Variants in TRIM26 observed in about 807,000 individuals in gnomAD.
The protein encoded by TRIM26 is tripartite motif-containing protein 26.
In TRIM26, 16 loss-of-function variants were observed where a neutral mutation model predicts 45.5. The observed-to-expected ratio is 0.35, with a 90% CI of 0.24 to 0.53. The LOEUF is 0.53. Among genes scored for constraint, TRIM26 ranks in the 20% least tolerant of loss-of-function variants. The pLI, the probability that TRIM26 is intolerant of heterozygous loss-of-function variation, is 0.92. For missense variants in TRIM26, 442 were observed against 691.1 expected, an observed-to-expected ratio of 0.64 and a Z score of 4.04; for synonymous variants, 273 against 290.4, an observed-to-expected ratio of 0.94 and a Z score of 0.61.
In TRIM26 at chr6:30,185,894, G is replaced by C. The variant is rs1283707575; in HGVS notation, c.1602C>G (p.Arg534=). 6.2e-7 allele frequency: 1 copy of C among 1,612,592 alleles called. No homozygotes were observed. Among genetic ancestry groups the C allele is most frequent in the Non-Finnish European group, 8.5e-7 (1 of 1,179,752 alleles). The change falls in exon 10 of 10, where the codon CGC becomes CGG. Residue 534 remains arginine, a synonymous_variant. Transcript: ENST00000454678. The surrounding 1 kb of genome is among the most constrained non-coding windows in gnomAD (Gnocchi z 5.7). The part of the protein sequence containing the change: ...PFLWLKWPGT[R]LLLRP The stretch of plus-strand genomic sequence containing the variant: ...TCAGGGCTCAGGGTCTTAGCAGGAG[G>C]CGTGTTCCTGGCCACTTGAGCCACA...
rs901649277 is a variant in TRIM26 at position 30,189,988 on chromosome 6, C to T, written c.788+25G>A. On this transcript the variant is annotated intron_variant, in intron 7 of 9. Coordinates refer to ENST00000454678, the MANE Select transcript of TRIM26 (RefSeq NM_003449.5). This position sits in a 1 kb window ranked among gnomAD's most constrained non-coding sequence, Gnocchi z 5.0. ...GAACATAAACAAGGGGGATGAGGTA[C>T]GCCATGGAGAGGAGACTCTTTTACC... is the stretch of plus-strand genomic sequence containing the variant. The T allele has an allele frequency of 1.2e-5, 19 of 1,612,720 alleles. No individual in the cohort carries two copies. Among genetic ancestry groups the T allele is most frequent in the African/African-American group, 2.7e-5 (2 of 74,900 alleles).
intron 9 of TRIM26, chr6:30,188,548 G>A (rs1775462104): frequency 4.1e-6 from 1 of 245,070 alleles, no homozygotes; most frequent in Non-Finnish European, 8.4e-6. Context: ...TGCTAACTCA[G>A]TTCTGCTATG....
In TRIM26 at chr6:30,196,814, T is replaced by C. The variant is rs1308331501; in HGVS notation, c.535-68A>G. On this transcript the variant is annotated intron_variant, in intron 5 of 9. Coordinates refer to ENST00000454678, the MANE Select transcript of TRIM26 (RefSeq NM_003449.5). The surrounding 1 kb of genome is among the most constrained non-coding windows in gnomAD (Gnocchi z 4.9). Reference sequence around the variant, plus strand: ...AGGGTGGAGGGCCCAGTGCTGGAGGTGTGCAAGGCTGGCTCGTTCACCTCG... The same window carrying C: ...AGGGTGGAGGGCCCAGTGCTGGAGGCGTGCAAGGCTGGCTCGTTCACCTCG... 2 of 1,528,102 alleles carry C rather than the reference T, an allele frequency of 1.3e-6. No homozygotes were observed. Among genetic ancestry groups the C allele is most frequent in the Non-Finnish European group, 1.8e-6 (2 of 1,110,640 alleles). The allele number at this position is 1,528,102 out of a possible 1,614,324, so 94.7% of individuals were successfully genotyped here. A position where few individuals can be genotyped will look rare whatever the true frequency, so the allele number is the denominator to read the frequency against.
At chr6:30,199,784 C>A (rs1277290793) in intron 3 of TRIM26, among the ~76,000 whole-genome samples, 2 of 151,992 alleles carry the variant, frequency 1.3e-5, no homozygotes, top group Non-Finnish European at 2.9e-5. Context: ...CTACAGGCAC[C>A]CACCACCACA....
At position 30,198,756 on chromosome 6, in the gene TRIM26, G is replaced by A. The variant is rs770233582; in HGVS notation, c.348C>T (p.Asp116=). 48 of 1,604,074 alleles carry A rather than the reference G, an allele frequency of 3.0e-5. No individual in the cohort carries two copies. Among genetic ancestry groups the A allele is most frequent in the Middle Eastern group, 1.6e-4 (1 of 6,084 alleles). Residue 116 remains aspartate (D), a synonymous_variant, in exon 4 of 10, where the codon GAC becomes GAT. Coordinates refer to ENST00000454678, the MANE Select transcript of TRIM26 (RefSeq NM_003449.5). The surrounding 1 kb of genome is among the most constrained non-coding windows in gnomAD (Gnocchi z 6.3). ...GGCACATCACGCACAGCAGCTTCCC[G>A]TCGTCCTCACAGTAGTAGTGCAGCT... ...REKLHYYCED[D]GKLLCVMCRE...
In TRIM26 at chr6:30,208,904, A is replaced by G. The variant is rs113962479; in HGVS notation, c.-375-4139T>C. Among the ~76,000 whole-genome samples the G allele has an allele frequency of 5.1e-3, 721 of 140,832 alleles. 3 individuals carry two copies. Among genetic ancestry groups the G allele is most frequent in the African/African-American group, 0.013 (500 of 38,006 alleles). 92.4% of individuals were successfully genotyped at this position (140,832 alleles called of 152,430 possible). ...CACTCTGGAGGATGGGATATAGAAT[A>G]TGTGTGTGTGTGTGTGTGTGTGTGT... is the stretch of plus-strand genomic sequence containing the variant. On this transcript the variant is annotated intron_variant, in intron 1 of 9. Coordinates refer to ENST00000454678, the MANE Select transcript of TRIM26 (RefSeq NM_003449.5).
intron 6 of TRIM26, among the ~76,000 whole-genome samples, chr6:30,194,983 A>G (rs1776311386): frequency 6.6e-6 from 1 of 152,208 alleles, no homozygotes; most frequent in Non-Finnish European, 1.5e-5. Flanking sequence ...AAACAAAAAA[A>G]GAAACCTACC....
intron 9 of TRIM26, among the ~76,000 whole-genome samples, chr6:30,188,903 G>C (rs1409283353): frequency 1.3e-5 from 2 of 152,116 alleles, no homozygotes; most frequent in South Asian, 2.1e-4. Context: ...GAAAAGGACT[G>C]GTGGTAGGAC....
At chr6:30,199,677 C>T (rs1294634621) in intron 3 of TRIM26, among the ~76,000 whole-genome samples, 1 of 150,516 alleles carries the variant, frequency 6.6e-6, no homozygotes, top group African/African-American at 2.4e-5. Flanking sequence ...TACTCTGTCG[C>T]CCAGGCTGGA....
Position 30,189,435 on chromosome 6 carries a change from C to T in TRIM26, c.887G>A (p.Gly296Asp), listed in dbSNP as rs1214684212. 3 of 1,612,900 alleles carry T rather than the reference C, an allele frequency of 1.9e-6. No homozygotes were observed. The highest frequency in any genetic ancestry group is 2.5e-6 in the Non-Finnish European group (3 of 1,180,016). The change falls in exon 8 of 10, where the codon GGC (glycine) becomes GAC (aspartate). Residue 296 changes from glycine (G) to aspartate (D), a missense_variant. Gly to Asp is a moderately conservative substitution (Grantham distance 94). Transcript: ENST00000454678. This position sits in a 1 kb window ranked among gnomAD's most constrained non-coding sequence, Gnocchi z 5.0. ...ACCCTTACCCTGGAATTCCCTCAGG[C>T]CTCGTTGCAGAGAGAGGAGTTTATC... ...FSDKLLSLQR[G>D]LREFQGKLLR...
intron 2 of TRIM26, among the ~76,000 whole-genome samples, chr6:30,201,344 G>A (rs944704827): frequency 7.2e-5 from 11 of 152,130 alleles, no homozygotes; most frequent in African/African-American, 2.2e-4. Flanking sequence ...GTTTTATAAC[G>A]TAAAAGGACT....
Position 30,198,508 on chromosome 6 carries a change from T to A in TRIM26, c.455A>T (p.His152Leu). 1 of 1,612,832 alleles carries A rather than the reference T, an allele frequency of 6.2e-7. No individual in the cohort carries two copies. Among genetic ancestry groups the A allele is most frequent in the Admixed American group, 1.7e-5 (1 of 59,996 alleles). The change falls in exon 5 of 10, where the codon CAC becomes CTC. Residue 152 changes from histidine to leucine, a missense_variant. Coordinates refer to ENST00000454678, the MANE Select transcript of TRIM26 (RefSeq NM_003449.5). This position sits in a 1 kb window ranked among gnomAD's most constrained non-coding sequence, Gnocchi z 6.3. ...TCTGTCCCTCCTTAGGGTACTCAGG[T>A]GGTTCAGGATTTTTTCCTGTGGAAA... ...AQPHREKILN[H>L]LSTLRRDRDK...
At chr6:30,193,160 G>GTATATATATATATATA (rs1343167817) in intron 6 of TRIM26, among the ~76,000 whole-genome samples, 1 of 33,170 alleles carries the variant, frequency 3.0e-5, no homozygotes, top group Non-Finnish European at 4.8e-5. Flanking sequence ...GTGTGTGTGT[G>GTATATATATATATATA]TGTATATATA....
rs1049490107 is a variant in TRIM26 at position 30,198,994 on chromosome 6, C to T, written c.110G>A (p.Arg37His). ...GGGGCGGACGTCTGTGGTGCAGCTGCGGCAGAAGACGTGGCCACAGTCAAT... is the reference window on the plus strand; with the variant it reads ...GGGGCGGACGTCTGTGGTGCAGCTGTGGCAGAAGACGTGGCCACAGTCAAT... ...VTIDCGHVFC[R>H]SCTTDVRPIS... is the part of the protein sequence containing the mutation. Residue 37 changes from arginine to histidine, a missense_variant, in exon 4 of 10, where the codon CGC (arginine) becomes CAC (histidine). Physicochemically the swap from Arg to His is conservative, Grantham distance 29 (BLOSUM62 0). Coordinates refer to ENST00000454678, the MANE Select transcript of TRIM26 (RefSeq NM_003449.5). This position sits in a 1 kb window ranked among gnomAD's most constrained non-coding sequence, Gnocchi z 6.3. 11 of 1,611,920 alleles carry T rather than the reference C, an allele frequency of 6.8e-6. No homozygotes were observed. In the African/African-American group the frequency reaches 8.0e-5, roughly 12 times the overall value.
Position 30,185,758 on chromosome 6 carries a change from G to C in TRIM26, c.*118C>G. On this transcript the variant is annotated 3_prime_UTR_variant, in exon 10 of 10. Coordinates refer to ENST00000454678, the MANE Select transcript of TRIM26 (RefSeq NM_003449.5). This position sits in a 1 kb window ranked among gnomAD's most constrained non-coding sequence, Gnocchi z 5.7. ...AGCAATGGGGAGGTGGCTACCAGTG[G>C]ATATGGGGTCCCCTGCTCCAGGTGC... The C allele has an allele frequency of 8.5e-7, 1 of 1,172,432 alleles. No homozygotes were observed. The highest frequency in any genetic ancestry group is 1.6e-5 in the South Asian group (1 of 63,512). 72.6% of individuals were successfully genotyped at this position (1,172,432 alleles called of 1,614,324 possible).
At chr6:30,188,046 C>T (rs1389031676) in intron 9 of TRIM26, among the ~76,000 whole-genome samples, 28 of 148,252 alleles carry the variant, frequency 1.9e-4, no homozygotes, top group South Asian at 8.6e-4. Context: ...GGTGAAACCC[C>T]GTCTCTACTA....
At chr6:30,199,686 G>C (rs1365828718) in intron 3 of TRIM26, among the ~76,000 whole-genome samples, 1 of 150,748 alleles carries the variant, frequency 6.6e-6, no homozygotes, top group Non-Finnish European at 1.5e-5. Context: ...GCCCAGGCTG[G>C]AGTGCAGTGG....
intron 6 of TRIM26, among the ~76,000 whole-genome samples, chr6:30,193,834 A>G (rs905323714): frequency 1.3e-5 from 2 of 152,028 alleles, no homozygotes; most frequent in African/African-American, 4.8e-5. Context: ...TTTTGTAGCT[A>G]TTGTAAATGG....
chr6:30,198,641 AC>A lies in TRIM26; in HGVS notation c.438+24del. On this transcript the variant is annotated intron_variant, in intron 4 of 9. Transcript: ENST00000454678. The surrounding 1 kb of genome is among the most constrained non-coding windows in gnomAD (Gnocchi z 6.3). ...GAGCATCCAGAGAAGGTGGCAAGGC[AC>A]CCTCGGGGGTGAAGAGGGCTTACCC... is the stretch of plus-strand genomic sequence containing the variant. The A allele has an allele frequency of 6.2e-7, 1 of 1,603,764 alleles. No homozygotes were observed. Among genetic ancestry groups the A allele is most frequent in the Non-Finnish European group, 8.5e-7 (1 of 1,176,006 alleles).
Sources: gnomAD v4.1 joint callset for allele counts (sites outside exome capture counted in the v4.1 genomes callset) on GRCh38, gnomAD v4.1.1 for gene constraint, Gnocchi (gnomAD v3.1) non-coding constraint, MANE v1.5 for transcripts, NCBI Gene and HGNC (gene_info 2026-07-23, HGNC 2026-07-21) for gene names.